The following SNCAIP variants were observed in gnomAD, a reference collection of about 807,000 sequenced individuals.
SNCAIP encodes the protein synphilin-1.
In SNCAIP, 43 loss-of-function variants were observed where a neutral mutation model predicts 86.7. The ratio of observed to expected loss-of-function variants is 0.50; its 90% CI spans 0.39 to 0.64. SNCAIP has a LOEUF of 0.64. Among genes scored for constraint, SNCAIP ranks in the 30% least tolerant of loss-of-function variants. SNCAIP has a pLI of 0.00. For synonymous variants in SNCAIP, 417 were observed against 427.2 expected (o/e 0.98, Z 0.29); for missense variants, 981 against 1,103.1 (o/e 0.89, Z 1.57).
intron 10 of SNCAIP, among the ~76,000 whole-genome samples, chr5:122,462,078 G>T (rs1262210437): frequency 1.3e-5 from 2 of 152,120 alleles, no homozygotes; most frequent in African/African-American, 2.4e-5. Flanking sequence ...ACACAGTTTT[G>T]TTTCTTGCTT....
intron 1 of SNCAIP, among the ~76,000 whole-genome samples, chr5:122,379,713 C>T (rs1013028304): frequency 6.6e-6 from 1 of 151,322 alleles, no homozygotes; most frequent in African/African-American, 2.4e-5. Flanking sequence ...AAATACGTCC[C>T]ATCAATACCT....
chr5:122,331,007 G>A (rs999043591), intron 1 of SNCAIP, among the ~76,000 whole-genome samples: 6 of 151,966 alleles, frequency 3.9e-5, no homozygotes, highest in African/African-American at 1.2e-4. Flanking sequence ...CCTCACATGT[G>A]CAGTTCGCAA....
chr5:122,344,897 A>G (rs1361466750), intron 1 of SNCAIP, among the ~76,000 whole-genome samples: 2 of 152,206 alleles, frequency 1.3e-5, no homozygotes, highest in Non-Finnish European at 2.9e-5. Flanking sequence ...GTTGCCTTTA[A>G]TAGGAAATAT....
intron 3 of SNCAIP, among the ~76,000 whole-genome samples, chr5:122,406,542 A>G (rs1773036695): frequency 6.6e-6 from 1 of 152,132 alleles, no homozygotes; most frequent in Non-Finnish European, 1.5e-5. Flanking sequence ...AGGTGACTGG[A>G]TCATGAGGGT....
chr5:122,400,098 A>G (rs534473491), intron 2 of SNCAIP, among the ~76,000 whole-genome samples: 1 of 152,198 alleles, frequency 6.6e-6, no homozygotes, highest in East Asian at 1.9e-4. Flanking sequence ...GCAGAATGGC[A>G]TTTCAGGTAG....
intron 1 of SNCAIP, among the ~76,000 whole-genome samples, chr5:122,336,504 T>A (rs1190709405): frequency 6.6e-6 from 1 of 152,232 alleles, no homozygotes; most frequent in Non-Finnish European, 1.5e-5. Context: ...TAACTTTTTG[T>A]CCTCCCAGAC....
At chr5:122,336,184 GAGAGAGAA>G (rs1169247019) in intron 1 of SNCAIP, among the ~76,000 whole-genome samples, 4 of 152,300 alleles carry the variant, frequency 2.6e-5, no homozygotes, top group African/African-American at 9.6e-5. Context: ...AAGAGAGAGA[GAGAGAGAA>G]AGAGAGAGAG....
chr5:122,444,929 G>A, intron 8 of SNCAIP, 197 bp downstream of exon 8: 2 of 635,176 alleles, frequency 3.1e-6, no homozygotes, highest in South Asian at 3.5e-5. Flanking sequence ...GAGGCAAAAG[G>A]ATGTCTAAAC....
At chr5:122,320,372 C>T (rs938626853) in intron 1 of SNCAIP, among the ~76,000 whole-genome samples, 2 of 152,150 alleles carry the variant, frequency 1.3e-5, no homozygotes, top group African/African-American at 4.8e-5. Flanking sequence ...TTTATTGAGG[C>T]CTGTATTCTG....
intron 1 of SNCAIP, among the ~76,000 whole-genome samples, chr5:122,364,546 A>G (rs1762788036): frequency 6.6e-6 from 1 of 152,204 alleles, no homozygotes. Flanking sequence ...TATATTCAAG[A>G]CATATGTGTT....
At chr5:122,336,192 AAG>A (rs1230638625) in intron 1 of SNCAIP, among the ~76,000 whole-genome samples, 1 of 149,444 alleles carries the variant, frequency 6.7e-6, no homozygotes, top group Non-Finnish European at 1.5e-5. Flanking sequence ...GAGAGAGAGA[AAG>A]AGAGAGAGAG....
Position 122,386,998 on chromosome 5 carries a change from C to T in SNCAIP, c.-46-4091C>T, listed in dbSNP as rs1393417075. ...GGGCTTACATGCAAAAGAAAGCCCT[C>T]GGAAGGCCTTAGAAAACCTGGGAAC... On this transcript the variant is annotated intron_variant, in intron 1 of 10. Coordinates refer to ENST00000261368, the MANE Select transcript of SNCAIP (RefSeq NM_005460.4). Among the ~76,000 whole-genome samples, 4 of 152,014 alleles carry T rather than the reference C, an allele frequency of 2.6e-5. No homozygotes were observed. In the South Asian group the frequency reaches 6.2e-4, roughly 24 times the overall value.
rs755315011 is a variant in SNCAIP at position 122,451,330 on chromosome 5, C to T, written c.2483C>T (p.Pro828Leu). The T allele has an allele frequency of 9.3e-6, 15 of 1,614,128 alleles. No homozygotes were observed. Among genetic ancestry groups the T allele is most frequent in the Admixed American group, 1.7e-5 (1 of 60,016 alleles). ...GAGCCTGTGGTGCAGATGGAGCAGC[C>T]TAGCCTTGAACTGAATGGAGAAAAA... ...FEEPVVQMEQ[P>L]SLELNGEKDK... The change falls in exon 10 of 11, where the codon CCT becomes CTT. Residue 828 changes from proline (P) to leucine (L), a missense_variant. Pro to Leu is a moderately conservative substitution (Grantham distance 98, BLOSUM62 -3). Transcript: ENST00000261368.
chr5:122,316,439 C>G (rs1470475364), intron 1 of SNCAIP, among the ~76,000 whole-genome samples: 2 of 152,186 alleles, frequency 1.3e-5, no homozygotes, highest in Non-Finnish European at 2.9e-5. Flanking sequence ...CACTGGAGCA[C>G]TGCTGTCAGA....
intron 1 of SNCAIP, among the ~76,000 whole-genome samples, chr5:122,375,800 T>C (rs1260155173): frequency 6.6e-6 from 1 of 152,068 alleles, no homozygotes; most frequent in Non-Finnish European, 1.5e-5. Context: ...GTGGTCTTCA[T>C]GGGAAATGCT....
At chr5:122,319,576 C>A (rs1215029775) in intron 1 of SNCAIP, among the ~76,000 whole-genome samples, 1 of 152,158 alleles carries the variant, frequency 6.6e-6, no homozygotes, top group Non-Finnish European at 1.5e-5. Context: ...TGGATTCTTT[C>A]CTTGAAGAGA....
chr5:122,336,083 C>A (rs1026297590), intron 1 of SNCAIP, among the ~76,000 whole-genome samples: 2 of 151,976 alleles, frequency 1.3e-5, no homozygotes, highest in African/African-American at 4.8e-5. Context: ...CAGAGGGAGG[C>A]CTTCTTCTAC....
intron 5 of SNCAIP, among the ~76,000 whole-genome samples, chr5:122,426,306 A>G (rs757730321): frequency 2.0e-5 from 3 of 152,208 alleles, no homozygotes; most frequent in South Asian, 2.1e-4. Context: ...TTTGCTTTAC[A>G]TAATAGTTGT....
intron 1 of SNCAIP, among the ~76,000 whole-genome samples, chr5:122,385,652 C>T (rs1319682225): frequency 6.6e-6 from 1 of 150,766 alleles, no homozygotes; most frequent in Non-Finnish European, 1.5e-5. Context: ...ACAAATTTGG[C>T]AGGCATGCGT....
Sources: allele counts gnomAD v4.1 joint callset (sites outside exome capture counted in the v4.1 genomes callset), GRCh38; gene constraint gnomAD v4.1.1; transcripts MANE v1.5; gene names NCBI Gene and HGNC (gene_info 2026-07-23, HGNC 2026-07-21).